CDC40: variants seen among roughly 807,000 people sequenced by gnomAD.
The protein encoded by CDC40 is pre-mRNA-processing factor 17.
CDC40 carries 27 observed loss-of-function variants against 80.6 expected under a neutral mutation model. The ratio of observed to expected loss-of-function variants is 0.33; its 90% CI spans 0.25 to 0.46. CDC40 has a LOEUF of 0.46. Among genes scored for constraint, CDC40 ranks in the 20% least tolerant of loss-of-function variants. CDC40 has a pLI of 1.00. For synonymous variants in CDC40, 221 were observed against 232.6 expected (o/e 0.95, Z 0.45); for missense variants, 486 against 694.1 (o/e 0.70, Z 3.37).
In CDC40 at chr6:110,213,060, T is replaced by C. The variant is rs925723367; in HGVS notation, c.868-26T>C. On this transcript the variant is annotated intron_variant, in intron 7 of 14. Transcript: ENST00000307731. ...GAGCTGATCTTTTGAATGCTTCTGG[T>C]TGATAACTGTAATACCTTTTTATAG... is the stretch of plus-strand genomic sequence containing the variant. 2.1e-6 allele frequency: 3 copies of C among 1,459,652 alleles called. No homozygotes were observed. The African/African-American group carries it at 4.2e-5, about 20-fold the overall frequency. The allele number at this position is 1,459,652 out of a possible 1,614,324, so 90.4% of individuals were successfully genotyped here. A position where few individuals can be genotyped will look rare whatever the true frequency, so the allele number is the denominator to read the frequency against.
chr6:110,207,445 A>T, intron 3 of CDC40, 61 bp from the exon 4 acceptor site: 1 of 846,258 alleles, frequency 1.2e-6, no homozygotes, highest in Non-Finnish European at 2.0e-6. Flanking sequence ...TTTGTATTAT[A>T]ATAATAAAAT....
At position 110,231,850 on chromosome 6, in the gene CDC40, A is replaced by G. The variant is rs1442160872; in HGVS notation, c.*1719A>G. 6.8e-6 allele frequency: 1 copy of G among 146,664 alleles called. No homozygotes were observed. Among genetic ancestry groups the G allele is most frequent in the African/African-American group, 2.6e-5 (1 of 39,040 alleles). 9.1% of individuals were successfully genotyped at this position (146,664 alleles called of 1,614,324 possible). A position where few individuals can be genotyped will look rare whatever the true frequency, so the allele number is the denominator to read the frequency against. ...CCACATAAATATAAATTTCATAGAAAAAGAATAAAAGCGGAGATATATTTT... is the reference window on the plus strand; with the variant it reads ...CCACATAAATATAAATTTCATAGAAGAAGAATAAAAGCGGAGATATATTTT... On this transcript the variant is annotated 3_prime_UTR_variant, in exon 15 of 15. Coordinates refer to ENST00000307731, the MANE Select transcript of CDC40 (RefSeq NM_015891.3).
intron 8 of CDC40, 132 bp from the exon 9 acceptor site, chr6:110,215,154 T>C (rs1777682698): frequency 1.5e-6 from 1 of 672,374 alleles, no homozygotes; most frequent in African/African-American, 1.8e-5. Context: ...CAGTGTTTAA[T>C]ATTTAATGAT....
intron 1 of CDC40, 134 bp downstream of exon 1, chr6:110,180,767 C>T (rs1487205443): frequency 7.6e-6 from 5 of 657,088 alleles, no homozygotes; most frequent in East Asian, 2.8e-5. Context: ...ATTTCTTCTC[C>T]TTCCCACATG....
intron 3 of CDC40, 142 bp from the exon 4 acceptor site, chr6:110,207,364 G>T: frequency 8.2e-5 from 34 of 416,054 alleles, no homozygotes; most frequent in East Asian, 1.4e-4. Context: ...AGGGCAGAAT[G>T]ATTGGTCCTG....
At chr6:110,195,520 C>A (rs57068634) in intron 2 of CDC40, among the ~76,000 whole-genome samples, 6,624 of 152,038 alleles carry the variant, frequency 0.044, 175 homozygotes, top group African/African-American at 0.068. Flanking sequence ...CTCTGTGTAA[C>A]CTTGGACGTT....
intron 13 of CDC40, 58 bp downstream of exon 13, chr6:110,226,301 T>G: frequency 8.9e-7 from 1 of 1,120,028 alleles, no homozygotes; most frequent in Non-Finnish European, 1.3e-6. Flanking sequence ...GTGTGATTTC[T>G]TTATTCAAAA....
intron 12 of CDC40, chr6:110,224,170 T>A (rs1777819015): frequency 1.3e-5 from 2 of 152,146 alleles, no homozygotes; most frequent in South Asian, 4.1e-4. Flanking sequence ...TAGGCATGTT[T>A]TTTCCAGAAG....
intron 12 of CDC40, among the ~76,000 whole-genome samples, chr6:110,220,732 A>T (rs1777764971): frequency 6.6e-6 from 1 of 152,200 alleles, no homozygotes; most frequent in Non-Finnish European, 1.5e-5. Flanking sequence ...GGCGTGAGCC[A>T]CTGCACCCAG....
At chr6:110,219,538 G>T in intron 11 of CDC40, 59 bp downstream of exon 11, 1 of 1,150,856 alleles carries the variant, frequency 8.7e-7, no homozygotes, top group South Asian at 1.3e-5. Flanking sequence ...TAAGGGGATG[G>T]AATAAGTTAA....
chr6:110,185,489 G>A (rs562219111), intron 1 of CDC40, among the ~76,000 whole-genome samples: 287 of 151,826 alleles, frequency 1.9e-3, no homozygotes, highest in Non-Finnish European at 2.8e-3. Context: ...TGATCCGCCC[G>A]CCTCGGCCTC....
intron 12 of CDC40, among the ~76,000 whole-genome samples, chr6:110,222,341 G>A (rs1049705165): frequency 8.5e-5 from 13 of 152,224 alleles, no homozygotes; most frequent in African/African-American, 2.9e-4. Flanking sequence ...GGCGGATCAC[G>A]AAGTCAGGAG....
At chr6:110,183,749 G>T (rs78312723) in intron 1 of CDC40, among the ~76,000 whole-genome samples, 4 of 152,318 alleles carry the variant, frequency 2.6e-5, no homozygotes, top group Non-Finnish European at 5.9e-5. Flanking sequence ...TTTTGGCAGA[G>T]AATACATTTT....
At chr6:110,210,886 C>T in intron 6 of CDC40, 83 bp downstream of exon 6, 1 of 534,754 alleles carries the variant, frequency 1.9e-6, no homozygotes, top group Admixed American at 4.2e-5. Context: ...ATCAATTACC[C>T]TTACTATCAG....
chr6:110,220,005 G>C lies in CDC40; in HGVS notation c.1340+136G>C, dbSNP rs1777748084. ...GTGATCCTGGCTTGCCAATCAAACT[G>C]TTTTAACTATTTAAGTACTGACAAT... On this transcript the variant is annotated intron_variant, in intron 12 of 14. Coordinates refer to ENST00000307731, the MANE Select transcript of CDC40 (RefSeq NM_015891.3). The C allele has an allele frequency of 1.1e-5, 9 of 790,304 alleles. No individual in the cohort carries two copies. The South Asian group carries it at 1.4e-4, about 12-fold the overall frequency. 49.0% of individuals were successfully genotyped at this position (790,304 alleles called of 1,614,324 possible).
At chr6:110,198,136 C>G (rs1777442250) in intron 2 of CDC40, among the ~76,000 whole-genome samples, 1 of 150,448 alleles carries the variant, frequency 6.6e-6, no homozygotes, top group African/African-American at 2.4e-5. Context: ...TTGCATTTCT[C>G]TGGTGATTAG....
At chr6:110,219,258 C>A in intron 10 of CDC40, 106 bp from the exon 11 acceptor site, 1 of 513,688 alleles carries the variant, frequency 1.9e-6, no homozygotes, top group Non-Finnish European at 3.5e-6. Flanking sequence ...AGCAGGCAGC[C>A]CTTCCTCAAA....
intron 1 of CDC40, among the ~76,000 whole-genome samples, chr6:110,183,871 C>G (rs1451713334): frequency 6.6e-6 from 1 of 151,902 alleles, no homozygotes; most frequent in Non-Finnish European, 1.5e-5. Context: ...ATTGGGTTGT[C>G]ATTTCCTTTT....
At chr6:110,201,821 C>T in intron 3 of CDC40, 134 bp downstream of exon 3, 1 of 566,766 alleles carries the variant, frequency 1.8e-6, no homozygotes, top group Non-Finnish European at 3.0e-6. Context: ...CCTTCCTATA[C>T]ATATCCTTAA....
Sources: gnomAD v4.1 joint callset for allele counts (sites outside exome capture counted in the v4.1 genomes callset) on GRCh38, gnomAD v4.1.1 for gene constraint, MANE v1.5 for transcripts, NCBI Gene and HGNC (gene_info 2026-07-23, HGNC 2026-07-21) for gene names.